KCNMA1: variants seen among roughly 807,000 people sequenced by gnomAD.
The protein encoded by KCNMA1 is potassium calcium-activated channel subfamily M alpha 1.
Under a neutral mutation model 140.0 loss-of-function variants are expected in KCNMA1, and 29 were observed. The ratio of observed to expected loss-of-function variants is 0.21; its 90% confidence interval spans 0.15 to 0.28. The LOEUF (loss-of-function observed/expected upper bound fraction) is 0.28. Ranked by LOEUF, KCNMA1 falls within the 10% of genes least tolerant of loss-of-function variation. The pLI is 1.00. For missense variants in KCNMA1, 880 were observed against 1,602.2 expected (o/e 0.55, Z 7.70); for synonymous variants, 612 against 611.9 (o/e 1.00, Z 0.00).
intron 2 of KCNMA1, among the ~76,000 whole-genome samples, chr10:77,402,714 T>G (rs1004401383): frequency 2.0e-5 from 3 of 152,182 alleles, no homozygotes; most frequent in Non-Finnish European, 4.4e-5. Context: ...AGTCACCTCT[T>G]CACTGAGTTT....
chr10:77,131,920 G>A (rs1216858962), intron 5 of KCNMA1, among the ~76,000 whole-genome samples: 8 of 146,504 alleles, frequency 5.5e-5, no homozygotes, highest in Non-Finnish European at 7.4e-5. Context: ...AGCTGAGATC[G>A]CGCCACTGCA....
At chr10:77,339,202 C>T (rs1485649442) in intron 2 of KCNMA1, among the ~76,000 whole-genome samples, 1 of 151,984 alleles carries the variant, frequency 6.6e-6, no homozygotes, top group Non-Finnish European at 1.5e-5. Context: ...CAGGCTCTTC[C>T]ATGCCCATCT....
chr10:77,340,631 T>C (rs950559823), intron 2 of KCNMA1, among the ~76,000 whole-genome samples: 1 of 151,294 alleles, frequency 6.6e-6, no homozygotes, highest in African/African-American at 2.4e-5. Context: ...AAACACTGCA[T>C]GTTCTCACTC....
chr10:77,451,591 C>T (rs2097661321), intron 1 of KCNMA1, among the ~76,000 whole-genome samples: 1 of 152,188 alleles, frequency 6.6e-6, no homozygotes, highest in South Asian at 2.1e-4. Flanking sequence ...GCAAGGACAG[C>T]TTCCAAAGGA....
At chr10:77,215,668 C>T (rs956502576) in intron 3 of KCNMA1, among the ~76,000 whole-genome samples, 2 of 152,036 alleles carry the variant, frequency 1.3e-5, no homozygotes, top group African/African-American at 2.4e-5. Context: ...ATCGAGATAC[C>T]ATATCTTGAT....
chr10:76,952,900 G>A (rs1173765562), intron 21 of KCNMA1, among the ~76,000 whole-genome samples: 2 of 152,252 alleles, frequency 1.3e-5, no homozygotes, highest in East Asian at 3.9e-4. Context: ...GAGGCCCAAG[G>A]GAGAAAGAAC....
intron 5 of KCNMA1, among the ~76,000 whole-genome samples, chr10:77,163,461 C>G (rs531134656): frequency 7.9e-5 from 12 of 152,122 alleles, no homozygotes; most frequent in African/African-American, 1.9e-4. Context: ...ACTTGGGAAC[C>G]CTTATCATTT....
At chr10:77,063,588 T>C (rs751530363) in intron 14 of KCNMA1, 26 of 266,040 alleles carry the variant, frequency 9.8e-5, no homozygotes, top group Non-Finnish European at 1.5e-4. Flanking sequence ...TGTAGAATAG[T>C]TGCCTCAAAG....
rs1250968415 is a variant in KCNMA1, at chr10:77,468,247, G to C, written c.379-64224C>G. Among the ~76,000 whole-genome samples, 8 of 152,198 alleles carry C rather than the reference G, an allele frequency of 5.3e-5. No individual in the cohort carries two copies. The East Asian group carries it at 1.5e-3, about 29-fold the overall frequency. ...GGTCTCGAACTGTCAGAACTGTCAG[G>C]GGATTCTGTCAGAACCAGGGGATTC... is the stretch of plus-strand genomic sequence containing the variant. On this transcript the variant is annotated intron_variant, in intron 1 of 27. Transcript: ENST00000286628.
chr10:77,408,185 C>CCA (rs751850793), intron 1 of KCNMA1, among the ~76,000 whole-genome samples: 22 of 152,142 alleles, frequency 1.4e-4, no homozygotes, highest in Non-Finnish European at 2.8e-4. Context: ...CTCCTGAGTC[C>CCA]CAGCATTCCG....
At chr10:77,327,954 C>A (rs536927540) in intron 2 of KCNMA1, among the ~76,000 whole-genome samples, 3 of 152,240 alleles carry the variant, frequency 2.0e-5, no homozygotes, top group African/African-American at 7.2e-5. Flanking sequence ...TCACAAAGCA[C>A]ACAAATAGGC....
At position 77,379,019 on chromosome 10, in the gene KCNMA1, T is replaced by C. The variant is rs551405757; in HGVS notation, c.540+24843A>G. 3.3e-5 allele frequency among the ~76,000 whole-genome samples: 5 copies of C among 152,346 alleles called. No homozygotes were observed. In the South Asian group the frequency reaches 1.0e-3, roughly 32 times the overall value. The stretch of plus-strand genomic sequence containing the variant: ...AACAAGATGAGACATTTTGACGCCC[T>C]TGGTAATTGTCTGGTTTCTAGAAGT... On this transcript the variant is annotated intron_variant, in intron 2 of 27. Transcript: ENST00000286628.
intron 2 of KCNMA1, among the ~76,000 whole-genome samples, chr10:77,396,531 C>G (rs779290427): frequency 6.6e-6 from 1 of 152,210 alleles, no homozygotes; most frequent in Admixed American, 6.5e-5. Flanking sequence ...CATGCGCAAA[C>G]AGCACATCAG....
intron 18 of KCNMA1, among the ~76,000 whole-genome samples, chr10:77,003,192 T>C (rs2087080597): frequency 6.6e-6 from 1 of 152,186 alleles, no homozygotes; most frequent in Non-Finnish European, 1.5e-5. Flanking sequence ...TAAACTTGGC[T>C]CACATTTTTA....
chr10:77,124,861 G>A (rs1404792699), intron 5 of KCNMA1, among the ~76,000 whole-genome samples: 1 of 152,198 alleles, frequency 6.6e-6, no homozygotes, highest in Non-Finnish European at 1.5e-5. Context: ...CCGAGACTGG[G>A]TAATTTATAA....
chr10:76,941,089 A>AG (rs2062062670), intron 23 of KCNMA1, among the ~76,000 whole-genome samples: 2 of 63,594 alleles, frequency 3.1e-5, no homozygotes, highest in Non-Finnish European at 8.3e-5. Context: ...AAGAAAGAGA[A>AG]AGAAAGAAAG....
intron 23 of KCNMA1, among the ~76,000 whole-genome samples, chr10:76,920,346 C>G (rs111972935): frequency 6.6e-6 from 1 of 151,950 alleles, no homozygotes; most frequent in Admixed American, 6.6e-5. Flanking sequence ...ATTTTGCTCA[C>G]GTAATAACTT....
At chr10:77,342,195 T>C (rs2091086769) in intron 2 of KCNMA1, among the ~76,000 whole-genome samples, 1 of 152,180 alleles carries the variant, frequency 6.6e-6, no homozygotes, top group Non-Finnish European at 1.5e-5. Context: ...CAAAGACATG[T>C]TCCAATCTAA....
chr10:77,019,252 G>A, intron 16 of KCNMA1, 153 bp from the exon 17 acceptor site: 1 of 643,370 alleles, frequency 1.6e-6, no homozygotes. Flanking sequence ...AATGTCCACT[G>A]CCCCATACAT....
Sources: allele counts gnomAD v4.1 joint callset (sites outside exome capture counted in the v4.1 genomes callset), GRCh38; gene constraint gnomAD v4.1.1; transcripts MANE v1.5; gene names NCBI Gene and HGNC (gene_info 2026-07-23, HGNC 2026-07-21).